TXK: variants seen among roughly 807,000 people sequenced by gnomAD.
The protein encoded by TXK is TXK tyrosine kinase.
TXK carries 60 observed loss-of-function variants against 81.0 expected under a neutral mutation model. The observed-to-expected ratio is 0.74, with a 90% CI of 0.60 to 0.92. The LOEUF is 0.92. Ranked by LOEUF, TXK falls within the 40% of genes least tolerant of loss-of-function variation. TXK has a pLI of 0.00. For missense variants in TXK, 581 were observed against 638.3 expected (o/e 0.91, Z 0.97); for synonymous variants, 203 against 210.7 (o/e 0.96, Z 0.32).
At chr4:48,095,007 T>C (rs756908110) in intron 7 of TXK, 136 bp downstream of exon 7, 59 of 699,364 alleles carry the variant, frequency 8.4e-5, no homozygotes, top group Non-Finnish European at 1.4e-4. Context: ...GCTAGGGATA[T>C]ATCACGGACT....
chr4:48,078,332 G>A (rs1217172944), intron 11 of TXK, among the ~76,000 whole-genome samples: 1 of 152,128 alleles, frequency 6.6e-6, no homozygotes, highest in Non-Finnish European at 1.5e-5. Flanking sequence ...AGGTGTGCTG[G>A]GGCCAATGTA....
rs1440942865 is a variant in TXK at position 48,104,028 on chromosome 4, C to A, written c.501+873G>T. Among the ~76,000 whole-genome samples, 5 of 149,318 alleles carry A rather than the reference C, an allele frequency of 3.3e-5. No homozygotes were observed. The South Asian group carries it at 8.4e-4, about 25-fold the overall frequency. ...GACCAGTTGGGCAGCATGGCAAAACCCTGTCTCTATAAAAAATACAAAGAA... is the reference window on the plus strand; with the variant it reads ...GACCAGTTGGGCAGCATGGCAAAACACTGTCTCTATAAAAAATACAAAGAA... On this transcript the variant is annotated intron_variant, in intron 6 of 14. Transcript: ENST00000264316.
rs373900050 is a variant in TXK, at chr4:48,112,429, T to C, written c.258A>G (p.Gln86=). Residue 86 remains glutamine (Q), a synonymous_variant, in exon 4 of 15, where the codon CAA becomes CAG. Transcript: ENST00000264316. ...PPSEVAEEKI[Q]VKALYDFLPR... is the part of the protein sequence containing the mutation. ...GCAGAAAATCATAAAGTGCCTTGAC[T>C]TGGATCTTCTCTTCAGCAACCTCAG... 2 of 1,614,076 alleles carry C rather than the reference T, an allele frequency of 1.2e-6. No individual in the cohort carries two copies. Among genetic ancestry groups the C allele is most frequent in the African/African-American group, 2.7e-5 (2 of 74,930 alleles).
At chr4:48,131,240 GC>G (rs566451928) in intron 1 of TXK, among the ~76,000 whole-genome samples, 15 of 151,826 alleles carry the variant, frequency 9.9e-5, no homozygotes, top group Non-Finnish European at 2.2e-4. Context: ...CCCTATAGCA[GC>G]CTTTGAAGCC....
intron 6 of TXK, among the ~76,000 whole-genome samples, chr4:48,102,897 T>C (rs941067046): frequency 6.6e-6 from 1 of 152,066 alleles, no homozygotes; most frequent in African/African-American, 2.4e-5. Context: ...TAAAATAATG[T>C]TATAGGTTGT....
At chr4:48,099,977 G>T (rs375519142) in intron 6 of TXK, among the ~76,000 whole-genome samples, 32 of 151,814 alleles carry the variant, frequency 2.1e-4, no homozygotes, top group Non-Finnish European at 3.5e-4. Context: ...GAGGTCAGGA[G>T]ATCGAGACCA....
intron 6 of TXK, among the ~76,000 whole-genome samples, chr4:48,102,165 G>C (rs1718217478): frequency 6.6e-6 from 1 of 152,108 alleles, no homozygotes; most frequent in Non-Finnish European, 1.5e-5. Flanking sequence ...TTTCAGGAGA[G>C]ACGGGGTTTC....
At chr4:48,132,432 G>T (rs1313805251) in intron 1 of TXK, among the ~76,000 whole-genome samples, 1 of 152,130 alleles carries the variant, frequency 6.6e-6, no homozygotes, top group Non-Finnish European at 1.5e-5. Context: ...ATATTTTGTT[G>T]CAAGGTGGGC....
intron 12 of TXK, among the ~76,000 whole-genome samples, chr4:48,074,948 G>T (rs1240392618): frequency 6.6e-6 from 1 of 152,060 alleles, no homozygotes; most frequent in African/African-American, 2.4e-5. Flanking sequence ...AAGAAAGATT[G>T]AGTTATTAAC....
intron 11 of TXK, among the ~76,000 whole-genome samples, chr4:48,076,687 G>T (rs533091737): frequency 6.6e-6 from 1 of 151,994 alleles, no homozygotes; most frequent in Non-Finnish European, 1.5e-5. Flanking sequence ...GGAGTGCAAT[G>T]GCACCATGTT....
At position 48,066,913 on chromosome 4, in the gene TXK, G is replaced by A. The variant is rs192128260; in HGVS notation, c.*724C>T. ...CTGTCCAATCTCACATGTAAAAAGT[G>A]TAAAATCACAGAACTAAAATCAGGT... On this transcript the variant is annotated 3_prime_UTR_variant, in exon 15 of 15. Transcript: ENST00000264316. 21 of 152,230 alleles carry A rather than the reference G, an allele frequency of 1.4e-4. No individual in the cohort carries two copies. The highest frequency in any genetic ancestry group is 4.8e-4 in the African/African-American group (20 of 41,528). 9.4% of individuals were successfully genotyped at this position (152,230 alleles called of 1,614,324 possible).
intron 5 of TXK, among the ~76,000 whole-genome samples, 154 bp from the exon 6 acceptor site, chr4:48,105,109 T>C (rs28540917): frequency 0.16 from 24,034 of 152,126 alleles, 2,222 homozygotes; most frequent in East Asian, 0.38. Flanking sequence ...TATACTATTG[T>C]GGGTTAATTA....
chr4:48,130,812 G>T lies in TXK; in HGVS notation c.16+3343C>A, dbSNP rs138502243. 2.8e-3 allele frequency among the ~76,000 whole-genome samples: 430 copies of T among 152,272 alleles called. 4 individuals carry two copies. Among genetic ancestry groups the T allele is most frequent in the African/African-American group, 1.0e-2 (415 of 41,554 alleles). On this transcript the variant is annotated intron_variant, in intron 1 of 14. Transcript: ENST00000264316. The stretch of plus-strand genomic sequence containing the variant: ...GGAGTAAGATAGGACTCTGAAAAGA[G>T]AGGCCCAAGAAAGGCAGTGTGACCA...
intron 14 of TXK, 145 bp from the exon 15 acceptor site, chr4:48,067,850 ATTC>A: frequency 1.3e-6 from 1 of 769,732 alleles, no homozygotes; most frequent in Non-Finnish European, 2.1e-6. Context: ...TCATGCAAAA[ATTC>A]AAAAAATTGC....
Position 48,134,175 on chromosome 4 carries a change from G to C in TXK, c.-5C>G, listed in dbSNP as rs1577686425. 1.2e-6 allele frequency: 2 copies of C among 1,613,366 alleles called. No individual in the cohort carries two copies. Among genetic ancestry groups the C allele is most frequent in the East Asian group, 4.5e-5 (2 of 44,872 alleles). ...CTCACAGGAGGAAAGGATCATGGTA[G>C]CCCCTTCTGCGGGGAGCACACAACA... is the stretch of plus-strand genomic sequence containing the variant. On this transcript the variant is annotated 5_prime_UTR_variant, in exon 1 of 15. Coordinates refer to ENST00000264316, the MANE Select transcript of TXK (RefSeq NM_003328.3).
chr4:48,106,134 C>A (rs1718451425), intron 5 of TXK: 1 of 152,180 alleles, frequency 6.6e-6, no homozygotes, highest in Non-Finnish European at 1.5e-5. Context: ...AGGGAACATG[C>A]TAATCTTCTC....
intron 13 of TXK, among the ~76,000 whole-genome samples, chr4:48,071,956 CTTTT>C (rs33963487): frequency 7.3e-6 from 1 of 137,686 alleles, no homozygotes; most frequent in Non-Finnish European, 1.6e-5. Context: ...ATTTTCTTTT[CTTTT>C]TTTTTTTTTT....
At chr4:48,092,057 C>T (rs1418352159) in intron 8 of TXK, among the ~76,000 whole-genome samples, 2 of 152,126 alleles carry the variant, frequency 1.3e-5, no homozygotes, top group African/African-American at 4.8e-5. Context: ...CTTCCAACCC[C>T]TACAAGGGGC....
chr4:48,068,995 C>T (rs1450238346), intron 14 of TXK, among the ~76,000 whole-genome samples: 1 of 152,222 alleles, frequency 6.6e-6, no homozygotes, highest in African/African-American at 2.4e-5. Flanking sequence ...CTCTAATGCC[C>T]TAAGCACATG....
Sources: gnomAD v4.1 joint callset for allele counts (sites outside exome capture counted in the v4.1 genomes callset) on GRCh38, gnomAD v4.1.1 for gene constraint, MANE v1.5 for transcripts, NCBI Gene and HGNC (gene_info 2026-07-23, HGNC 2026-07-21) for gene names.